Variants in KCTD8 observed in about 807,000 individuals in gnomAD.
KCTD8 encodes the protein BTB/POZ domain-containing protein KCTD8.
Under a neutral mutation model 31.5 loss-of-function variants are expected in KCTD8, and 27 were observed. The ratio of observed to expected loss-of-function variants is 0.86; its 90% confidence interval spans 0.63 to 1.18. KCTD8 has a LOEUF of 1.18. KCTD8 is among the 50% of genes most tolerant of loss of function. KCTD8 has a pLI of 0.00. For missense variants in KCTD8, 658 were observed against 647.7 expected, an observed-to-expected ratio of 1.02 and a Z score of -0.17; for synonymous variants, 290 against 280.0, an observed-to-expected ratio of 1.04 and a Z score of -0.36.
At chr4:44,424,787 A>G (rs1721305224) in intron 1 of KCTD8, among the ~76,000 whole-genome samples, 2 of 152,080 alleles carry the variant, frequency 1.3e-5, no homozygotes, top group Admixed American at 6.6e-5. Flanking sequence ...AATATCTACC[A>G]GGAACATTTG....
chr4:44,364,573 C>G (rs1182781952), intron 1 of KCTD8, among the ~76,000 whole-genome samples: 1 of 152,060 alleles, frequency 6.6e-6, no homozygotes, highest in Non-Finnish European at 1.5e-5. Context: ...TGTACTTTAT[C>G]CAAATGAGTT....
chr4:44,256,032 TCAAAGGGAAAG>T (rs1180517053), intron 1 of KCTD8, among the ~76,000 whole-genome samples: 1 of 151,648 alleles, frequency 6.6e-6, no homozygotes, highest in Non-Finnish European at 1.5e-5. Flanking sequence ...ATGGTAGAAG[TCAAAGGGAAAG>T]CAAAGGCGCT....
At chr4:44,306,583 G>A (rs1364346416) in intron 1 of KCTD8, among the ~76,000 whole-genome samples, 1 of 151,970 alleles carries the variant, frequency 6.6e-6, no homozygotes, top group Non-Finnish European at 1.5e-5. Context: ...TTCACAAATT[G>A]AAATTTGGAG....
intron 1 of KCTD8, among the ~76,000 whole-genome samples, chr4:44,285,676 T>G (rs1019683602): frequency 1.3e-5 from 2 of 152,156 alleles, no homozygotes; most frequent in African/African-American, 2.4e-5. Flanking sequence ...GAGCTCTGAT[T>G]GAGGTGTGTA....
chr4:44,252,520 T>A (rs1408131451), intron 1 of KCTD8, among the ~76,000 whole-genome samples: 3 of 151,890 alleles, frequency 2.0e-5, no homozygotes, highest in East Asian at 3.9e-4. Context: ...CAGGCCAACA[T>A]CTGTTATTTT....
chr4:44,364,942 C>T (rs1306697608), intron 1 of KCTD8, among the ~76,000 whole-genome samples: 1 of 151,556 alleles, frequency 6.6e-6, no homozygotes, highest in Non-Finnish European at 1.5e-5. Flanking sequence ...AAGAGGAGCA[C>T]AGGATATTTT....
chr4:44,429,705 T>C (rs1287812555), intron 1 of KCTD8, among the ~76,000 whole-genome samples: 2 of 151,752 alleles, frequency 1.3e-5, no homozygotes, highest in Non-Finnish European at 2.9e-5. Flanking sequence ...GGGAAATGTA[T>C]AATTGAGAGG....
intron 1 of KCTD8, among the ~76,000 whole-genome samples, chr4:44,215,427 A>G (rs1714620159): frequency 6.6e-6 from 1 of 152,224 alleles, no homozygotes; most frequent in South Asian, 2.1e-4. Context: ...AGAGAATAGG[A>G]TCTTAGTTGA....
intron 1 of KCTD8, among the ~76,000 whole-genome samples, chr4:44,194,028 A>C (rs1289422193): frequency 2.0e-5 from 3 of 152,174 alleles, no homozygotes; most frequent in Admixed American, 1.3e-4. Flanking sequence ...TCCTAAGACT[A>C]TTCTTAGGAC....
intron 1 of KCTD8, among the ~76,000 whole-genome samples, chr4:44,207,008 GTA>G (rs1276370525): frequency 1.3e-5 from 2 of 152,190 alleles, no homozygotes; most frequent in East Asian, 3.8e-4. Context: ...TTGTGAGATA[GTA>G]TATTTGTGGC....
At chr4:44,326,712 G>T (rs2109409798) in intron 1 of KCTD8, among the ~76,000 whole-genome samples, 1 of 151,680 alleles carries the variant, frequency 6.6e-6, no homozygotes, top group Non-Finnish European at 1.5e-5. Context: ...GAGTCTAGTT[G>T]TTTGTCTACT....
chr4:44,304,531 G>A (rs1717742830), intron 1 of KCTD8, among the ~76,000 whole-genome samples: 1 of 151,970 alleles, frequency 6.6e-6, no homozygotes, highest in Admixed American at 6.6e-5. Flanking sequence ...CAACATAAAG[G>A]GAATAATAAG....
At chr4:44,416,707 G>C (rs948479975) in intron 1 of KCTD8, among the ~76,000 whole-genome samples, 18 of 152,110 alleles carry the variant, frequency 1.2e-4, no homozygotes, top group African/African-American at 4.3e-4. Flanking sequence ...GCCATGATTG[G>C]AAGCTTTCTG....
At chr4:44,287,648 C>T (rs1717137599) in intron 1 of KCTD8, among the ~76,000 whole-genome samples, 1 of 152,132 alleles carries the variant, frequency 6.6e-6, no homozygotes, top group Non-Finnish European at 1.5e-5. Flanking sequence ...CCATCTGTGG[C>T]AAATAAATAG....
chr4:44,379,583 T>C (rs1235461589), intron 1 of KCTD8, among the ~76,000 whole-genome samples: 3 of 152,118 alleles, frequency 2.0e-5, no homozygotes, highest in African/African-American at 7.2e-5. Context: ...TAAGCACACA[T>C]GCACATATGC....
intron 1 of KCTD8, among the ~76,000 whole-genome samples, chr4:44,320,170 CAAAAAAAAAA>C (rs35250421): frequency 0.019 from 616 of 31,928 alleles, 21 homozygotes; most frequent in Admixed American, 0.15. Flanking sequence ...GCCTCCATCT[CAAAAAAAAAA>C]AAAAAAAAAA....
chr4:44,252,133 A>G (rs1715856737), intron 1 of KCTD8, among the ~76,000 whole-genome samples: 1 of 151,722 alleles, frequency 6.6e-6, no homozygotes, highest in Admixed American at 6.6e-5. Flanking sequence ...TTCCTGAGTT[A>G]CGTCACTTAG....
intron 1 of KCTD8, among the ~76,000 whole-genome samples, chr4:44,255,827 A>G (rs1437294085): frequency 2.0e-5 from 3 of 151,992 alleles, no homozygotes; most frequent in African/African-American, 7.2e-5. Context: ...TTACTTTGAC[A>G]TCAGCAAATA....
intron 1 of KCTD8, among the ~76,000 whole-genome samples, chr4:44,215,265 G>A (rs896730212): frequency 2.0e-5 from 3 of 152,038 alleles, no homozygotes; most frequent in Non-Finnish European, 4.4e-5. Flanking sequence ...AATTCGCTCT[G>A]TCTAGGCAGC....
Sources: allele counts gnomAD v4.1 joint callset (sites outside exome capture counted in the v4.1 genomes callset), GRCh38; gene constraint gnomAD v4.1.1; transcripts MANE v1.5; gene names NCBI Gene and HGNC (gene_info 2026-07-23, HGNC 2026-07-21).